Variants in IL7 observed in about 807,000 individuals in gnomAD.
The protein encoded by IL7 is interleukin 7.
A neutral mutation model predicts 21.6 loss-of-function variants in IL7; 3 were observed. That is an observed-to-expected ratio of 0.14 (90% CI 0.06 to 0.36). The LOEUF (loss-of-function observed/expected upper bound fraction) is 0.36, where lower values mean the gene tolerates loss of function less well. Ranked by LOEUF, IL7 falls within the 10% of genes least tolerant of loss-of-function variation. The pLI is 1.00. For missense variants in IL7, 175 were observed against 200.2 expected, an observed-to-expected ratio of 0.87 and a Z score of 0.76; for synonymous variants, 62 against 68.1, an observed-to-expected ratio of 0.91 and a Z score of 0.44.
At chr8:78,772,377 A>G (rs1193240763) in intron 2 of IL7, among the ~76,000 whole-genome samples, 1 of 152,182 alleles carries the variant, frequency 6.6e-6, no homozygotes, top group Non-Finnish European at 1.5e-5. Flanking sequence ...TTAGTCATTT[A>G]CATGTCTACT....
Position 78,684,969 on chromosome 8 carries a change from G to C in IL7, n.273+920C>G, listed in dbSNP as rs28575807. Among the ~76,000 whole-genome samples, 790 of 152,146 alleles carry C rather than the reference G, an allele frequency of 5.2e-3. 6 individuals are homozygous for C. Among genetic ancestry groups the C allele is most frequent in the African/African-American group, 0.018 (731 of 41,504 alleles). On this transcript the variant is annotated intron_variant and non_coding_transcript_variant, in intron 4 of 4. Transcript: ENST00000523959. ...TGTGATTCTTAATTTTTAAAAATTAGACAAGTTGATTCAAAAGTTTACATC... is the reference window on the plus strand; with the variant it reads ...TGTGATTCTTAATTTTTAAAAATTACACAAGTTGATTCAAAAGTTTACATC...
At chr8:78,716,165 C>T (rs1811095060), downstream of IL7, among the ~76,000 whole-genome samples, 1 of 150,012 alleles carries the variant, frequency 6.7e-6, no homozygotes, top group South Asian at 2.1e-4. Context: ...CTCTGTCGCT[C>T]AGGCTGGAGT....
At chr8:78,716,847 C>G (rs1349339567), downstream of IL7, among the ~76,000 whole-genome samples, 1 of 152,022 alleles carries the variant, frequency 6.6e-6, no homozygotes, top group Non-Finnish European at 1.5e-5. Context: ...ATAGTGAGTT[C>G]TCAATGTATC....
Position 78,797,256 on chromosome 8 carries a change from G to A in IL7, c.147+816C>T, listed in dbSNP as rs113649598. On this transcript the variant is annotated intron_variant, in intron 2 of 5. Coordinates refer to ENST00000263851, the MANE Select transcript of IL7 (RefSeq NM_000880.4). Reference sequence around the variant, plus strand: ...AGTGGTTACTAGGAGTTCAGGGGAAGAAAGAGAAGGATGAGTCGGTGGATA... The same window carrying A: ...AGTGGTTACTAGGAGTTCAGGGGAAAAAAGAGAAGGATGAGTCGGTGGATA... Among the ~76,000 whole-genome samples, 506 of 152,042 alleles carry A rather than the reference G, an allele frequency of 3.3e-3. 2 individuals are homozygous for A. Among genetic ancestry groups the A allele is most frequent in the Non-Finnish European group, 5.4e-3 (365 of 67,856 alleles).
intron 5 of IL7, 49 bp from the exon 6 acceptor site, chr8:78,733,881 AT>A: frequency 8.1e-7 from 1 of 1,233,246 alleles, no homozygotes; most frequent in Non-Finnish European, 1.1e-6. Flanking sequence ...TTACAAAAAT[AT>A]ATATTTTAAA....
chr8:78,697,573 T>C, intron 3 of IL7: 1 of 1,164,304 alleles, frequency 8.6e-7, no homozygotes, highest in Non-Finnish European at 1.3e-6. Context: ...GAAATAAAGA[T>C]AGTGGTCTAT....
At chr8:78,709,675 G>C (rs1209507523) in intron 3 of IL7, among the ~76,000 whole-genome samples, 1 of 150,950 alleles carries the variant, frequency 6.6e-6, no homozygotes, top group South Asian at 2.1e-4. Flanking sequence ...GAATTGTCTT[G>C]GACCACATAT....
intron 2 of IL7, chr8:78,746,960 G>A (rs1196212381): frequency 2.4e-6 from 1 of 424,594 alleles, no homozygotes; most frequent in Non-Finnish European, 4.7e-6. Flanking sequence ...TTCTTTTCAG[G>A]AGAGAAAGTC....
intron 3 of IL7, among the ~76,000 whole-genome samples, chr8:78,690,209 C>T (rs572692101): frequency 1.3e-5 from 2 of 152,122 alleles, no homozygotes; most frequent in Non-Finnish European, 2.9e-5. Context: ...GAATAGTGAA[C>T]CTTAATAAGC....
chr8:78,755,829 C>T (rs890094188), intron 2 of IL7, among the ~76,000 whole-genome samples: 1 of 152,030 alleles, frequency 6.6e-6, no homozygotes, highest in African/African-American at 2.4e-5. Flanking sequence ...ATTTCTTTCT[C>T]TTGCCTAATT....
At chr8:78,736,781 T>C (rs2130675222) in intron 4 of IL7, among the ~76,000 whole-genome samples, 1 of 152,284 alleles carries the variant, frequency 6.6e-6, no homozygotes, top group East Asian at 1.9e-4. Context: ...AGTACTGTGT[T>C]AACTACTGTG....
At chr8:78,700,072 A>C (rs1305589543) in intron 3 of IL7, among the ~76,000 whole-genome samples, 1 of 152,190 alleles carries the variant, frequency 6.6e-6, no homozygotes, top group African/African-American at 2.4e-5. Context: ...AGTAATTTAC[A>C]TTCCCACCAG....
chr8:78,729,383 C>T (rs908432711), downstream of IL7, among the ~76,000 whole-genome samples: 4 of 151,928 alleles, frequency 2.6e-5, no homozygotes, highest in African/African-American at 9.7e-5. Context: ...ATTTGTGTTG[C>T]GTCTTCCCAA....
At chr8:78,694,368 AC>A (rs1810328990) in intron 3 of IL7, among the ~76,000 whole-genome samples, 1 of 151,926 alleles carries the variant, frequency 6.6e-6, no homozygotes, top group Admixed American at 6.6e-5. Context: ...TACAAGTAAA[AC>A]GGTATTCATG....
intron 3 of IL7, chr8:78,698,642 G>C: frequency 1.6e-6 from 1 of 641,978 alleles, no homozygotes; most frequent in East Asian, 3.4e-5. Context: ...ACATTTTGCT[G>C]GTCAGGAGCA....
At chr8:78,692,016 A>G (rs1457624129) in intron 3 of IL7, among the ~76,000 whole-genome samples, 1 of 152,204 alleles carries the variant, frequency 6.6e-6, no homozygotes, top group African/African-American at 2.4e-5. Context: ...TATCACCTCA[A>G]GTACTTACCA....
At chr8:78,780,771 A>G (rs564748442) in intron 2 of IL7, among the ~76,000 whole-genome samples, 1 of 152,170 alleles carries the variant, frequency 6.6e-6, no homozygotes, top group Non-Finnish European at 1.5e-5. Flanking sequence ...GCTGAGTTCA[A>G]TTCCTGAATA....
downstream of IL7, among the ~76,000 whole-genome samples, chr8:78,729,669 T>C (rs189772595): frequency 6.6e-6 from 1 of 152,112 alleles, no homozygotes; most frequent in East Asian, 1.9e-4. Flanking sequence ...ATGCTGGTTC[T>C]ACTAGAAGAC....
intron 2 of IL7, among the ~76,000 whole-genome samples, chr8:78,767,169 T>C (rs1296060199): frequency 2.0e-5 from 3 of 152,026 alleles, no homozygotes; most frequent in African/African-American, 7.2e-5. Flanking sequence ...AAAAAATTTT[T>C]GATATTTTAC....
Sources: allele counts gnomAD v4.1 joint callset (sites outside exome capture counted in the v4.1 genomes callset), GRCh38; gene constraint gnomAD v4.1.1; transcripts MANE v1.5; gene names NCBI Gene and HGNC (gene_info 2026-07-23, HGNC 2026-07-21).